MEF2C: variants seen among roughly 807,000 people sequenced by gnomAD.
MEF2C encodes the protein myocyte-specific enhancer factor 2C.
In MEF2C, 6 loss-of-function variants were observed where a neutral mutation model predicts 50.5. The ratio of observed to expected loss-of-function variants is 0.12; its 90% CI spans 0.07 to 0.23. The LOEUF is 0.23. Ranked by LOEUF, MEF2C falls within the 10% of genes least tolerant of loss-of-function variation. MEF2C has a pLI of 1.00. For synonymous variants in MEF2C, 183 were observed against 228.0 expected (o/e 0.80, Z 1.78); for missense variants, 276 against 605.0 (o/e 0.46, Z 5.70).
At chr5:88,833,782 T>A (rs1170028994) in intron 1 of MEF2C, among the ~76,000 whole-genome samples, 1 of 152,188 alleles carries the variant, frequency 6.6e-6, no homozygotes, top group Admixed American at 6.6e-5. Context: ...TACTACGATT[T>A]TTTTTAAGTA....
At chr5:88,739,221 A>G in intron 6 of MEF2C, 2 of 980,794 alleles carry the variant, frequency 2.0e-6, no homozygotes, top group Non-Finnish European at 2.4e-6. Context: ...TGTTAATAGT[A>G]TCTGATTTTG....
intron 3 of MEF2C, chr5:88,761,878 G>A (rs1278607345): frequency 2.6e-5 from 4 of 152,550 alleles, no homozygotes; most frequent in African/African-American, 4.8e-5. Flanking sequence ...ACCAAGCATC[G>A]GTGAAGAATG....
At chr5:88,779,883 G>A (rs1049286984) in intron 3 of MEF2C, among the ~76,000 whole-genome samples, 19 of 151,508 alleles carry the variant, frequency 1.3e-4, no homozygotes. Flanking sequence ...CATGTCTCAC[G>A]CCTATAATCC....
intron 6 of MEF2C, chr5:88,739,051 G>A (rs1303130769): frequency 2.0e-6 from 2 of 982,964 alleles, no homozygotes; most frequent in East Asian, 1.1e-4. Context: ...AAATGGTAAT[G>A]ATGCTTACTT....
chr5:88,747,757 T>G (rs1770594829), intron 6 of MEF2C, among the ~76,000 whole-genome samples: 1 of 152,148 alleles, frequency 6.6e-6, no homozygotes, highest in South Asian at 2.1e-4. Flanking sequence ...ATCTAAACCA[T>G]TTTTCTTATA....
At chr5:88,767,779 G>C (rs1253339178) in intron 3 of MEF2C, among the ~76,000 whole-genome samples, 3 of 152,130 alleles carry the variant, frequency 2.0e-5, no homozygotes, top group Admixed American at 1.3e-4. Context: ...ACTAATTAAA[G>C]ATTTGAAAGC....
At chr5:88,903,876 T>G (rs1026629579) in intron 1 of MEF2C, 3 of 151,516 alleles carry the variant, frequency 2.0e-5, no homozygotes, top group Non-Finnish European at 4.4e-5. Flanking sequence ...AAAATTAACT[T>G]TTAGAGATTA....
chr5:88,741,895 T>C, intron 6 of MEF2C: 1 of 985,366 alleles, frequency 1.0e-6, no homozygotes. Context: ...GACGTATCAG[T>C]TGGTTATAAA....
intron 1 of MEF2C, among the ~76,000 whole-genome samples, chr5:88,863,345 G>C (rs746367428): frequency 6.6e-6 from 1 of 152,184 alleles, no homozygotes; most frequent in East Asian, 1.9e-4. Context: ...TTAGTGAAAA[G>C]TTGACTGATG....
chr5:88,891,396 T>G (rs1834549224), intron 1 of MEF2C, among the ~76,000 whole-genome samples: 1 of 141,740 alleles, frequency 7.1e-6, no homozygotes, highest in Admixed American at 6.9e-5. Flanking sequence ...AACCAACCTT[T>G]TTTTTTTTTT....
At position 88,739,502 on chromosome 5, in the gene MEF2C, G is replaced by A. The variant is rs1765570003; in HGVS notation, c.638-7601C>T. 4 of 972,404 alleles carry A rather than the reference G, an allele frequency of 4.1e-6. No homozygotes were observed. The Admixed American group carries it at 1.9e-4, about 45-fold the overall frequency. The allele number at this position is 972,404 out of a possible 1,614,324, so 60.2% of individuals were successfully genotyped here. ...GTTTCCAATATCAGGATATTGTTTT[G>A]TGCCTCAAATGAACATACATCTTTT... On this transcript the variant is annotated intron_variant, in intron 6 of 10. Coordinates refer to ENST00000504921, the MANE Select transcript of MEF2C (RefSeq NM_002397.5).
chr5:88,894,755 AG>A, intron 1 of MEF2C, among the ~76,000 whole-genome samples: 1 of 152,230 alleles, frequency 6.6e-6, no homozygotes, highest in Non-Finnish European at 1.5e-5. Context: ...AGTTTTGACA[AG>A]TAACACTCGT....
At chr5:88,880,271 C>T (rs959720469) in intron 1 of MEF2C, among the ~76,000 whole-genome samples, 1 of 151,982 alleles carries the variant, frequency 6.6e-6, no homozygotes, top group African/African-American at 2.4e-5. Flanking sequence ...AAAAGTGTAA[C>T]TTTATTAATA....
chr5:88,888,911 C>G (rs1834249377), intron 1 of MEF2C: 2 of 152,258 alleles, frequency 1.3e-5, no homozygotes, highest in Admixed American at 1.3e-4. Flanking sequence ...TGTTGTTCAT[C>G]AGAACATTGA....
intron 3 of MEF2C, among the ~76,000 whole-genome samples, chr5:88,776,706 G>A (rs1010136653): frequency 2.6e-5 from 4 of 152,192 alleles, no homozygotes; most frequent in African/African-American, 9.7e-5. Flanking sequence ...TTTGAAGATC[G>A]TGTGAAAGAC....
chr5:88,747,964 T>C (rs1037739936), intron 6 of MEF2C: 2 of 727,506 alleles, frequency 2.7e-6, no homozygotes, highest in Admixed American at 6.3e-5. Context: ...TACGTGAGTT[T>C]ACACACTAAT....
chr5:88,757,261 T>C (rs1775780471), intron 4 of MEF2C, among the ~76,000 whole-genome samples: 2 of 152,200 alleles, frequency 1.3e-5, no homozygotes, highest in South Asian at 4.1e-4. Context: ...AATAAAAAAA[T>C]CAAATAAAAT....
intron 2 of MEF2C, among the ~76,000 whole-genome samples, chr5:88,822,534 G>T (rs770387865): frequency 1.3e-5 from 2 of 151,958 alleles, no homozygotes; most frequent in Admixed American, 6.6e-5. Context: ...ATTTAGAGGA[G>T]TATAAACTTG....
At chr5:88,881,683 A>G (rs1832885168) in intron 1 of MEF2C, among the ~76,000 whole-genome samples, 1 of 151,052 alleles carries the variant, frequency 6.6e-6, no homozygotes, top group African/African-American at 2.4e-5. Context: ...TTACTCTGCA[A>G]CCACAATTCC....
Sources: gnomAD v4.1 joint callset for allele counts (sites outside exome capture counted in the v4.1 genomes callset) on GRCh38, gnomAD v4.1.1 for gene constraint, MANE v1.5 for transcripts, NCBI Gene and HGNC (gene_info 2026-07-23, HGNC 2026-07-21) for gene names.